GRID1: variants seen among roughly 807,000 people sequenced by gnomAD.
The protein encoded by GRID1 is glutamate receptor ionotropic, delta-1.
GRID1 carries 28 observed loss-of-function variants against 98.0 expected under a neutral mutation model. The ratio of observed to expected loss-of-function variants is 0.29; its 90% CI spans 0.21 to 0.39. The LOEUF (loss-of-function observed/expected upper bound fraction) is 0.39, where lower values mean the gene tolerates loss of function less well. Ranked by LOEUF, GRID1 falls within the 10% of genes least tolerant of loss-of-function variation. The pLI is 1.00. For synonymous variants in GRID1, 553 were observed against 538.5 expected (o/e 1.03, Z -0.37); for missense variants, 1,111 against 1,340.5 (o/e 0.83, Z 2.67).
intron 5 of GRID1, among the ~76,000 whole-genome samples, chr10:85,911,832 T>C (rs1229965689): frequency 6.6e-6 from 1 of 152,214 alleles, no homozygotes; most frequent in Non-Finnish European, 1.5e-5. Context: ...TCCTGGCATC[T>C]GCTGGAGGAT....
At chr10:86,185,060 G>A (rs1002283410) in intron 3 of GRID1, among the ~76,000 whole-genome samples, 2 of 152,056 alleles carry the variant, frequency 1.3e-5, no homozygotes, top group African/African-American at 2.4e-5. Flanking sequence ...TGAATCTATA[G>A]ATTAATTTGG....
chr10:85,990,269 A>T (rs370871386), intron 4 of GRID1, among the ~76,000 whole-genome samples: 1 of 152,232 alleles, frequency 6.6e-6, no homozygotes, highest in East Asian at 1.9e-4. Context: ...TGCTCAGCAG[A>T]GAAGAAATAG....
At chr10:85,807,083 C>CTTA (rs1842629329) in intron 8 of GRID1, among the ~76,000 whole-genome samples, 1 of 151,922 alleles carries the variant, frequency 6.6e-6, no homozygotes, top group Non-Finnish European at 1.5e-5. Context: ...GGCATAGTGG[C>CTTA]TTATGTTTGT....
intron 12 of GRID1, among the ~76,000 whole-genome samples, chr10:85,652,283 T>A (rs1036754844): frequency 6.6e-6 from 1 of 152,230 alleles, no homozygotes; most frequent in Non-Finnish European, 1.5e-5. Flanking sequence ...GTTTGCAGTA[T>A]GAGAAAAATC....
chr10:86,321,107 A>T (rs1002787681), intron 2 of GRID1, among the ~76,000 whole-genome samples: 7 of 88,172 alleles, frequency 7.9e-5, no homozygotes, highest in Non-Finnish European at 1.6e-4. Flanking sequence ...CTCAAAAAAA[A>T]AAAAGAAAAA....
At chr10:86,232,126 C>G (rs1846463521) in intron 2 of GRID1, among the ~76,000 whole-genome samples, 1 of 152,192 alleles carries the variant, frequency 6.6e-6, no homozygotes, top group African/African-American at 2.4e-5. Context: ...TCCCTGTTTT[C>G]TCCTCTCTCA....
chr10:85,681,091 C>T (rs920584304), intron 12 of GRID1, among the ~76,000 whole-genome samples: 1 of 152,106 alleles, frequency 6.6e-6, no homozygotes, highest in Non-Finnish European at 1.5e-5. Flanking sequence ...GCAATATATC[C>T]ATGCATCAAA....
chr10:85,896,040 G>A (rs1183669297), intron 5 of GRID1, among the ~76,000 whole-genome samples: 1 of 152,024 alleles, frequency 6.6e-6, no homozygotes, highest in East Asian at 1.9e-4. Context: ...ACATAAGACA[G>A]CCAGGACTTT....
At chr10:85,708,848 T>C (rs1031329518) in intron 12 of GRID1, 5 of 165,884 alleles carry the variant, frequency 3.0e-5, no homozygotes, top group African/African-American at 4.8e-5. Flanking sequence ...ACATATGAAA[T>C]AGGAAACCCT....
chr10:86,154,277 ACTCT>A, intron 3 of GRID1, among the ~76,000 whole-genome samples: 1 of 151,712 alleles, frequency 6.6e-6, no homozygotes, highest in South Asian at 2.1e-4. Flanking sequence ...GCACTGTCCC[ACTCT>A]CTCCCCTTCA....
At chr10:85,938,512 A>T (rs1440859960) in intron 4 of GRID1, among the ~76,000 whole-genome samples, 9 of 152,214 alleles carry the variant, frequency 5.9e-5, no homozygotes, top group African/African-American at 2.2e-4. Context: ...TAACTCTCAC[A>T]ACAACGCTAT....
At chr10:86,120,539 GA>G (rs1388966562) in intron 4 of GRID1, among the ~76,000 whole-genome samples, 1 of 151,968 alleles carries the variant, frequency 6.6e-6, no homozygotes, top group African/African-American at 2.4e-5. Context: ...AATGACTTTG[GA>G]AAAAAAGGGT....
At chr10:86,214,739 C>T (rs920669727) in intron 2 of GRID1, among the ~76,000 whole-genome samples, 1 of 152,118 alleles carries the variant, frequency 6.6e-6, no homozygotes, top group African/African-American at 2.4e-5. Context: ...CATGGTGGCC[C>T]ATGCCTATAA....
At chr10:86,204,774 T>C (rs1846002056) in intron 3 of GRID1, among the ~76,000 whole-genome samples, 1 of 152,116 alleles carries the variant, frequency 6.6e-6, no homozygotes, top group South Asian at 2.1e-4. Flanking sequence ...GAAAGTGAGA[T>C]GGGAAGGGCC....
At chr10:86,305,316 G>C (rs1339164931) in intron 2 of GRID1, among the ~76,000 whole-genome samples, 1 of 152,206 alleles carries the variant, frequency 6.6e-6, no homozygotes, top group Non-Finnish European at 1.5e-5. Context: ...AGGAGCACAC[G>C]ACAGGTGCTG....
chr10:85,813,954 A>G (rs965249796), intron 8 of GRID1, among the ~76,000 whole-genome samples: 2 of 151,890 alleles, frequency 1.3e-5, no homozygotes, highest in Non-Finnish European at 3.0e-5. Flanking sequence ...AAATATTGAC[A>G]GAAAATACAT....
chr10:85,957,039 C>T (rs978094001), intron 4 of GRID1, among the ~76,000 whole-genome samples: 22 of 152,084 alleles, frequency 1.4e-4, no homozygotes, highest in Non-Finnish European at 1.9e-4. Context: ...AAGTGCTGAG[C>T]GAAGCAGGGA....
At chr10:85,714,755 A>C (rs1214320265) in intron 12 of GRID1, among the ~76,000 whole-genome samples, 1 of 152,118 alleles carries the variant, frequency 6.6e-6, no homozygotes, top group Non-Finnish European at 1.5e-5. Context: ...GACACAAATA[A>C]ATGGAAAGAT....
intron 4 of GRID1, among the ~76,000 whole-genome samples, chr10:85,963,952 T>G (rs1564636888): frequency 6.6e-6 from 1 of 151,984 alleles, no homozygotes; most frequent in African/African-American, 2.4e-5. Context: ...AGCCCTTCCA[T>G]AAAAGAATTA....
Sources: allele counts gnomAD v4.1 joint callset (sites outside exome capture counted in the v4.1 genomes callset), GRCh38; gene constraint gnomAD v4.1.1; transcripts MANE v1.5; gene names NCBI Gene and HGNC (gene_info 2026-07-23, HGNC 2026-07-21).